CREBL2: variants seen among roughly 807,000 people sequenced by gnomAD.
CREBL2 encodes the protein cAMP responsive element binding protein like 2.
Under a neutral mutation model 19.5 loss-of-function variants are expected in CREBL2, and 4 were observed. The observed-to-expected ratio is 0.20, with a 90% CI of 0.10 to 0.47. The LOEUF (loss-of-function observed/expected upper bound fraction) is 0.47, where lower values mean the gene tolerates loss of function less well. Ranked by LOEUF, CREBL2 falls within the 20% of genes least tolerant of loss-of-function variation. The pLI, the probability that CREBL2 is intolerant of heterozygous loss-of-function variation, is 0.98. For synonymous variants in CREBL2, 42 were observed against 46.6 expected (o/e 0.90, Z 0.40); for missense variants, 85 against 145.1 (o/e 0.59, Z 2.13).
chr12:12,632,925 T>A lies in CREBL2; in HGVS notation c.16-2852T>A, dbSNP rs978238138. ...TATATATATAAATTTTTTTAATTTTTATTTTTTATTTTTTACTTTTTGTTT... is the reference window on the plus strand; with the variant it reads ...TATATATATAAATTTTTTTAATTTTAATTTTTTATTTTTTACTTTTTGTTT... On this transcript the variant is annotated intron_variant, in intron 1 of 3. Coordinates refer to ENST00000228865, the MANE Select transcript of CREBL2 (RefSeq NM_001310.4). Among the ~76,000 whole-genome samples, 9 of 150,652 alleles carry A rather than the reference T, an allele frequency of 6.0e-5. No homozygotes were observed. The South Asian group carries it at 6.2e-4, about 10-fold the overall frequency.
At chr12:12,617,605 C>G (rs548239403) in intron 1 of CREBL2, among the ~76,000 whole-genome samples, 1 of 128,446 alleles carries the variant, frequency 7.8e-6, no homozygotes, top group Non-Finnish European at 1.6e-5. Flanking sequence ...TGCTTTACTA[C>G]GGTGCAGTAG....
rs1032706855 is a variant in CREBL2 at position 12,644,877 on chromosome 12, A to G, written c.*2879A>G. Reference sequence around the variant, plus strand: ...AAGAAAATCTAAAAACATAAATGTTATATTTCACAAGAAATCAGTTGCATA... The same window carrying G: ...AAGAAAATCTAAAAACATAAATGTTGTATTTCACAAGAAATCAGTTGCATA... On this transcript the variant is annotated 3_prime_UTR_variant, in exon 4 of 4. Coordinates refer to ENST00000228865, the MANE Select transcript of CREBL2 (RefSeq NM_001310.4). The G allele has an allele frequency of 5.3e-5, 8 of 152,254 alleles. No individual in the cohort carries two copies. The highest frequency in any genetic ancestry group is 1.9e-4 in the African/African-American group (8 of 41,472). The allele number at this position is 152,254 out of a possible 1,614,324, so 9.4% of individuals were successfully genotyped here. A position where few individuals can be genotyped will look rare whatever the true frequency, so the allele number is the denominator to read the frequency against.
intron 1 of CREBL2, among the ~76,000 whole-genome samples, chr12:12,617,114 G>A (rs1177023658): frequency 6.6e-6 from 1 of 152,178 alleles, no homozygotes; most frequent in Non-Finnish European, 1.5e-5. Context: ...TTTGAATGGG[G>A]AATAGCTTTG....
chr12:12,619,198 A>G (rs1169749930), intron 1 of CREBL2, among the ~76,000 whole-genome samples: 6 of 152,196 alleles, frequency 3.9e-5, no homozygotes. Flanking sequence ...GGACAGGGGC[A>G]GTGGGGTGGG....
intron 1 of CREBL2, 80 bp from the exon 2 acceptor site, chr12:12,635,697 T>A: frequency 6.8e-7 from 1 of 1,478,406 alleles, no homozygotes; most frequent in African/African-American, 1.4e-5. Context: ...ATAAATGTTC[T>A]CTTTGCTAAT....
intron 1 of CREBL2, among the ~76,000 whole-genome samples, chr12:12,619,724 A>G (rs1257765016): frequency 6.6e-6 from 1 of 152,192 alleles, no homozygotes. Context: ...TTTTTATTTT[A>G]TGTTGGACTT....
chr12:12,637,106 C>T (rs1192739554), intron 2 of CREBL2, among the ~76,000 whole-genome samples: 1 of 152,032 alleles, frequency 6.6e-6, no homozygotes, highest in African/African-American at 2.4e-5. Flanking sequence ...CTTTGTATAC[C>T]CCCAAAGTCC....
chr12:12,642,016 G>A lies in CREBL2; in HGVS notation c.*18G>A, dbSNP rs773720107. ...CAGGGTGAAGATTATATAAAGATGAGTCAGTGATTGAAGCCAATATTCTGA... is the reference window on the plus strand; with the variant it reads ...CAGGGTGAAGATTATATAAAGATGAATCAGTGATTGAAGCCAATATTCTGA... On this transcript the variant is annotated 3_prime_UTR_variant, in exon 4 of 4. Coordinates refer to ENST00000228865, the MANE Select transcript of CREBL2 (RefSeq NM_001310.4). 6.4e-6 allele frequency: 10 copies of A among 1,561,178 alleles called. No homozygotes were observed. Among genetic ancestry groups the A allele is most frequent in the Non-Finnish European group, 7.9e-6 (9 of 1,138,456 alleles).
At chr12:12,624,540 A>T (rs967351941) in intron 1 of CREBL2, among the ~76,000 whole-genome samples, 3 of 152,222 alleles carry the variant, frequency 2.0e-5, no homozygotes, top group Non-Finnish European at 4.4e-5. Context: ...CAAATGAGTG[A>T]GGGAACTGGA....
chr12:12,629,072 C>CT (rs1945423445), intron 1 of CREBL2, among the ~76,000 whole-genome samples: 2 of 152,184 alleles, frequency 1.3e-5, no homozygotes, highest in African/African-American at 4.8e-5. Flanking sequence ...CAATTTGCGT[C>CT]TTTTTCAAGA....
At chr12:12,641,566 C>A (rs551349637) in intron 3 of CREBL2, among the ~76,000 whole-genome samples, 1 of 152,012 alleles carries the variant, frequency 6.6e-6, no homozygotes, top group African/African-American at 2.4e-5. Flanking sequence ...GCCTTGGCCT[C>A]CCAAAGTGCT....
intron 1 of CREBL2, among the ~76,000 whole-genome samples, chr12:12,622,531 G>A (rs932544920): frequency 2.6e-5 from 4 of 152,220 alleles, no homozygotes; most frequent in African/African-American, 9.6e-5. Flanking sequence ...TGTGGGGGAT[G>A]AGGGAGGGGA....
At chr12:12,614,466 C>A (rs1367414953) in intron 1 of CREBL2, 1 of 131,400 alleles carries the variant, frequency 7.6e-6, no homozygotes, top group African/African-American at 2.9e-5. Flanking sequence ...TATTTAGTTT[C>A]CTTTTTTTTT....
chr12:12,622,523 T>TG (rs1265032937), intron 1 of CREBL2, among the ~76,000 whole-genome samples: 1 of 152,140 alleles, frequency 6.6e-6, no homozygotes, highest in African/African-American at 2.4e-5. Flanking sequence ...TTACCAGTTG[T>TG]GGGGGATGAG....
At chr12:12,640,111 C>T (rs149765859) in intron 3 of CREBL2, among the ~76,000 whole-genome samples, 120 of 152,216 alleles carry the variant, frequency 7.9e-4, no homozygotes, top group African/African-American at 2.8e-3. Context: ...CAACAGAAAA[C>T]GGGGTTTGAG....
At chr12:12,618,274 C>T (rs1379503440) in intron 1 of CREBL2, among the ~76,000 whole-genome samples, 7 of 151,598 alleles carry the variant, frequency 4.6e-5, no homozygotes, top group Admixed American at 2.0e-4. Flanking sequence ...ACTTCCCAGA[C>T]GGGGCGGCTG....
At chr12:12,612,629 C>A (rs1449920237) in intron 1 of CREBL2, among the ~76,000 whole-genome samples, 1 of 152,116 alleles carries the variant, frequency 6.6e-6, no homozygotes, top group Non-Finnish European at 1.5e-5. Context: ...GTTCACTCCC[C>A]CTCTGAGCTA....
Position 12,641,856 on chromosome 12 carries a change from T to G in CREBL2, c.359-138T>G, listed in dbSNP as rs1945524744. 1.5e-5 allele frequency: 7 copies of G among 462,426 alleles called. No homozygotes were observed. The East Asian group carries it at 2.4e-4, about 16-fold the overall frequency. The allele number at this position is 462,426 out of a possible 1,614,324, so 28.6% of individuals were successfully genotyped here. ...TAATGGAAAAAAGCCAAATCAGCTT[T>G]TTTTTAGTCTGTATTTTTAAAAATT... On this transcript the variant is annotated intron_variant, in intron 3 of 3. Coordinates refer to ENST00000228865, the MANE Select transcript of CREBL2 (RefSeq NM_001310.4).
chr12:12,641,935 A>C (rs1945526001), intron 3 of CREBL2, 59 bp from the exon 4 acceptor site: 1 of 1,290,018 alleles, frequency 7.8e-7, no homozygotes, highest in Admixed American at 2.0e-5. Context: ...CTTAAAACAG[A>C]TTAATCAAAC....
Sources: gnomAD v4.1 joint callset for allele counts (sites outside exome capture counted in the v4.1 genomes callset) on GRCh38, gnomAD v4.1.1 for gene constraint, MANE v1.5 for transcripts, NCBI Gene and HGNC (gene_info 2026-07-23, HGNC 2026-07-21) for gene names.